SYN3: variants seen among roughly 807,000 people sequenced by gnomAD.
SYN3 encodes synapsin III, also known as synapsin-3.
In SYN3, 35 loss-of-function variants were observed where a neutral mutation model predicts 65.8. That is an observed-to-expected ratio of 0.53 (90% CI 0.41 to 0.70). SYN3 has a LOEUF of 0.70. SYN3 is among the 30% of genes least tolerant of loss of function. The pLI, the probability that SYN3 is intolerant of heterozygous loss-of-function variation, is 0.00. For missense variants in SYN3, 680 were observed against 749.0 expected (o/e 0.91, Z 1.08); for synonymous variants, 270 against 292.9 (o/e 0.92, Z 0.80).
intron 6 of SYN3, among the ~76,000 whole-genome samples, chr22:32,752,121 T>A (rs1174739219): frequency 4.6e-5 from 7 of 152,112 alleles, no homozygotes; most frequent in Admixed American, 2.6e-4. Context: ...ACTTGCTGAG[T>A]GAGTACATGA....
intron 2 of SYN3, among the ~76,000 whole-genome samples, chr22:32,999,139 C>A (rs78921807): frequency 0.013 from 1,971 of 152,204 alleles, 45 homozygotes; most frequent in African/African-American, 0.045. Context: ...GTGGTATGTG[C>A]GCCTGCATGA....
intron 4 of SYN3, among the ~76,000 whole-genome samples, chr22:32,906,658 GC>G (rs1173978558): frequency 1.3e-5 from 2 of 150,472 alleles, no homozygotes; most frequent in Non-Finnish European, 3.0e-5. Flanking sequence ...CCCTCCCCTT[GC>G]CCCCCACCCC....
At chr22:32,922,440 G>T (rs146941039) in intron 4 of SYN3, among the ~76,000 whole-genome samples, 2 of 152,202 alleles carry the variant, frequency 1.3e-5, no homozygotes, top group Non-Finnish European at 2.9e-5. Flanking sequence ...TGCCTAGCAC[G>T]TAGGAAATGC....
At chr22:32,843,698 C>T (rs1434428433) in intron 6 of SYN3, among the ~76,000 whole-genome samples, 2 of 152,146 alleles carry the variant, frequency 1.3e-5, no homozygotes, top group African/African-American at 2.4e-5. Context: ...GCCGAAGATG[C>T]GAGCCCATGG....
chr22:32,660,578 T>C (rs2060203676), intron 6 of SYN3, among the ~76,000 whole-genome samples: 1 of 152,160 alleles, frequency 6.6e-6, no homozygotes, highest in South Asian at 2.1e-4. Flanking sequence ...GGGGAAGGAA[T>C]GGTGGTCGGG....
rs545313573 is a variant in SYN3 at position 32,511,299 on chromosome 22, C to G, written c.*2393G>C. Among the ~76,000 whole-genome samples, 1 of 152,246 alleles carries G rather than the reference C, an allele frequency of 6.6e-6. No individual in the cohort carries two copies. The highest frequency in any genetic ancestry group is 1.9e-4 in the East Asian group (1 of 5,176). On this transcript the variant is annotated 3_prime_UTR_variant, in exon 14 of 14. Transcript: ENST00000358763. ...TTCCTTGCCATCACCTGACCTCCCC[C>G]AAGCATGACTGTGGGATATTGACCC...
At chr22:32,559,998 G>A (rs2058563579) in intron 7 of SYN3, among the ~76,000 whole-genome samples, 1 of 152,218 alleles carries the variant, frequency 6.6e-6, no homozygotes, top group African/African-American at 2.4e-5. Flanking sequence ...CACGTGACTG[G>A]GAAGGGCAAA....
intron 6 of SYN3, among the ~76,000 whole-genome samples, chr22:32,831,345 T>A (rs999936581): frequency 3.9e-5 from 6 of 152,138 alleles, no homozygotes; most frequent in Admixed American, 6.5e-5. Flanking sequence ...AGAGGTGAAT[T>A]GTTTAAAGTT....
intron 1 of SYN3, among the ~76,000 whole-genome samples, chr22:33,016,767 T>C (rs1037305882): frequency 1.3e-5 from 2 of 152,248 alleles, no homozygotes; most frequent in Admixed American, 6.5e-5. Flanking sequence ...TTTCTTGTTA[T>C]AGAGTTGTTT....
At chr22:32,765,590 T>G (rs2045601721) in intron 6 of SYN3, among the ~76,000 whole-genome samples, 1 of 152,016 alleles carries the variant, frequency 6.6e-6, no homozygotes, top group Admixed American at 6.5e-5. Flanking sequence ...GAGGGTCGCA[T>G]AGCAAGGAGG....
chr22:32,827,449 C>G (rs985076794), intron 6 of SYN3, among the ~76,000 whole-genome samples: 3 of 152,236 alleles, frequency 2.0e-5, no homozygotes, highest in African/African-American at 7.2e-5. Context: ...CCTACTTGTA[C>G]AAATGGATTT....
chr22:32,905,011 T>C lies in SYN3; in HGVS notation c.461+26379A>G, dbSNP rs76776357. Among the ~76,000 whole-genome samples the C allele has an allele frequency of 7.8e-3, 1,187 of 152,260 alleles. 7 individuals are homozygous for C. Among genetic ancestry groups the C allele is most frequent in the East Asian group, 0.025 (130 of 5,170 alleles). ...CTGTGGTTCAGATGAGAACCCCCAA[T>C]TGCAAGCCCCTTCCCCTCTCTGAGC... On this transcript the variant is annotated intron_variant, in intron 4 of 13. Transcript: ENST00000358763.
intron 7 of SYN3, among the ~76,000 whole-genome samples, chr22:32,542,802 G>A (rs571145000): frequency 6.6e-6 from 1 of 152,118 alleles, no homozygotes; most frequent in South Asian, 2.1e-4. Context: ...CCAAGGCCAA[G>A]CGCAGAGGAC....
intron 4 of SYN3, among the ~76,000 whole-genome samples, chr22:32,885,553 T>A (rs1271097568): frequency 6.7e-6 from 1 of 150,304 alleles, no homozygotes; most frequent in Non-Finnish European, 1.5e-5. Flanking sequence ...CAGAACTGCA[T>A]CATCTTCCCT....
intron 3 of SYN3, among the ~76,000 whole-genome samples, chr22:32,941,623 C>T (rs2050941627): frequency 1.3e-5 from 2 of 152,162 alleles, no homozygotes; most frequent in Admixed American, 6.5e-5. Flanking sequence ...GTGCAGCCCA[C>T]CGAGCGAGAG....
At chr22:32,733,234 A>G (rs1056403652) in intron 6 of SYN3, among the ~76,000 whole-genome samples, 1 of 152,188 alleles carries the variant, frequency 6.6e-6, no homozygotes, top group Non-Finnish European at 1.5e-5. Flanking sequence ...CAGCAGCATC[A>G]GCATCGACAG....
At chr22:32,692,806 A>T (rs1196739975) in intron 6 of SYN3, among the ~76,000 whole-genome samples, 1 of 152,100 alleles carries the variant, frequency 6.6e-6, no homozygotes, top group African/African-American at 2.4e-5. Context: ...TATTATACAC[A>T]CTTGATATTT....
chr22:32,787,985 T>A (rs531522266), intron 6 of SYN3, among the ~76,000 whole-genome samples: 3 of 151,760 alleles, frequency 2.0e-5, no homozygotes, highest in Non-Finnish European at 1.5e-5. Context: ...CAAGTGAGAG[T>A]GGGAGAGACA....
intron 6 of SYN3, among the ~76,000 whole-genome samples, chr22:32,657,997 G>A (rs1255533125): frequency 5.3e-5 from 8 of 152,216 alleles, no homozygotes; most frequent in African/African-American, 1.9e-4. Context: ...CAGAGAGTAA[G>A]TGCCTCACAC....
Sources: gnomAD v4.1 joint callset for allele counts (sites outside exome capture counted in the v4.1 genomes callset) on GRCh38, gnomAD v4.1.1 for gene constraint, MANE v1.5 for transcripts, NCBI Gene and HGNC (gene_info 2026-07-23, HGNC 2026-07-21) for gene names.